CADPS: variants seen among roughly 807,000 people sequenced by gnomAD.
CADPS encodes the protein calcium-dependent secretion activator 1.
In CADPS, 57 loss-of-function variants were observed where a neutral mutation model predicts 167.3. That is an observed-to-expected ratio of 0.34 (90% CI 0.28 to 0.42). The LOEUF is 0.42. Among genes scored for constraint, CADPS ranks in the 20% least tolerant of loss-of-function variants. The pLI, the probability that CADPS is intolerant of heterozygous loss-of-function variation, is 1.00. For missense variants in CADPS, 1,414 were observed against 1,738.1 expected (o/e 0.81, Z 3.32); for synonymous variants, 676 against 635.3 (o/e 1.06, Z -0.96).
chr3:62,753,464 G>A lies in CADPS; in HGVS notation c.865C>T (p.Gln289Ter). Residue 289 changes from glutamine to a stop codon, truncating the protein, a stop_gained, in exon 3 of 30, where the codon CAG becomes TAG. Transcript: ENST00000383710. LOFTEE classifies it high-confidence loss of function. The surrounding 1 kb of genome is among the most constrained non-coding windows in gnomAD (Gnocchi z 4.6). ...NILGIKKFEH[Q>*]LLYNACQLDN... ...ACCTGGCAGGCATTGTAAAGGAGCT[G>A]ATGTTCGAACTTCTTGATCCCAAGA... 1 of 1,612,678 alleles carries A rather than the reference G, an allele frequency of 6.2e-7. No individual in the cohort carries two copies. The highest frequency in any genetic ancestry group is 8.5e-7 in the Non-Finnish European group (1 of 1,178,902).
chr3:62,659,600 G>A (rs1196896129), intron 4 of CADPS, among the ~76,000 whole-genome samples: 1 of 152,194 alleles, frequency 6.6e-6, no homozygotes, highest in Non-Finnish European at 1.5e-5. Flanking sequence ...TGGAAGAAGT[G>A]CACATTGCTA....
At chr3:62,610,173 TTTTC>T (rs1352942435) in intron 6 of CADPS, among the ~76,000 whole-genome samples, 1 of 151,960 alleles carries the variant, frequency 6.6e-6, no homozygotes, top group Non-Finnish European at 1.5e-5. Flanking sequence ...ATTTGGAGCC[TTTTC>T]TTTTTTTCCT....
chr3:62,512,844 G>T, intron 16 of CADPS, 76 bp from the exon 17 acceptor site: 1 of 1,255,804 alleles, frequency 8.0e-7, no homozygotes, highest in Admixed American at 1.9e-5. Context: ...ATGAGCAAGT[G>T]GACCAAAATG....
In CADPS at chr3:62,399,302, T is replaced by C; in HGVS notation, c.*104A>G. Reference sequence around the variant, plus strand: ...GGCAGTTGTATTGATAAACATCTCATGGGCATGGTAGTTGACAGAAAATTC... The same window carrying C: ...GGCAGTTGTATTGATAAACATCTCACGGGCATGGTAGTTGACAGAAAATTC... On this transcript the variant is annotated 3_prime_UTR_variant, in exon 30 of 30. Transcript: ENST00000383710. This position sits in a 1 kb window ranked among gnomAD's most constrained non-coding sequence, Gnocchi z 5.6. 5.7e-6 allele frequency: 6 copies of C among 1,047,414 alleles called. No individual in the cohort carries two copies. The highest frequency in any genetic ancestry group is 4.3e-5 in the Admixed American group (2 of 46,834). 64.9% of individuals were successfully genotyped at this position (1,047,414 alleles called of 1,614,324 possible). A position where few individuals can be genotyped will look rare whatever the true frequency, so the allele number is the denominator to read the frequency against.
rs114111081 is a variant in CADPS, at chr3:62,484,711, G to A, written c.3027-2842C>T. On this transcript the variant is annotated intron_variant, in intron 21 of 29. Transcript: ENST00000383710. ...TCTCATCATTTCTATGGATAGAAAT[G>A]AGTGGAGGTGAAGTCATTCCTGCTT... Among the ~76,000 whole-genome samples the A allele has an allele frequency of 2.6e-3, 396 of 152,250 alleles. 1 individual carries two copies. Among genetic ancestry groups the A allele is most frequent in the African/African-American group, 8.5e-3 (355 of 41,560 alleles).
intron 3 of CADPS, among the ~76,000 whole-genome samples, chr3:62,662,629 T>A (rs2073525299): frequency 6.6e-6 from 1 of 152,166 alleles, no homozygotes; most frequent in Non-Finnish European, 1.5e-5. Context: ...TGCAAAAGAA[T>A]CATCAATCTC....
intron 1 of CADPS, among the ~76,000 whole-genome samples, chr3:62,794,793 A>AAAAAAAAAAAAAAAAAAAAAAG (rs1553689817): frequency 1.3e-4 from 18 of 136,700 alleles, no homozygotes; most frequent in East Asian, 5.9e-4. Context: ...AAAAAAAAAA[A>AAAAAAAAAAAAAAAAAAAAAAG]AAAAAAAAAA....
chr3:62,850,972 T>C (rs1443697563), intron 1 of CADPS, among the ~76,000 whole-genome samples: 1 of 149,766 alleles, frequency 6.7e-6, no homozygotes, highest in African/African-American at 2.5e-5. Flanking sequence ...ATTGGGTGCA[T>C]ATATATTTAG....
intron 17 of CADPS, among the ~76,000 whole-genome samples, chr3:62,509,788 T>C (rs2067389287): frequency 6.6e-6 from 1 of 152,148 alleles, no homozygotes; most frequent in Non-Finnish European, 1.5e-5. Context: ...GTGGTAGGTA[T>C]TATACTTGAC....
chr3:62,718,170 A>G (rs1222780178), intron 3 of CADPS, among the ~76,000 whole-genome samples: 1 of 152,168 alleles, frequency 6.6e-6, no homozygotes, highest in Admixed American at 6.5e-5. Context: ...CATGTTTATT[A>G]TCTGTGCTTT....
At chr3:62,476,444 A>G (rs2061338337) in intron 23 of CADPS, among the ~76,000 whole-genome samples, 1 of 152,198 alleles carries the variant, frequency 6.6e-6, no homozygotes, top group South Asian at 2.1e-4. Flanking sequence ...TTAAGTGTCC[A>G]GGCCAGCCAT....
chr3:62,668,911 G>C (rs2074997481), intron 3 of CADPS, among the ~76,000 whole-genome samples: 1 of 152,202 alleles, frequency 6.6e-6, no homozygotes, highest in Non-Finnish European at 1.5e-5. Context: ...CGATCAGTGA[G>C]GGCTGGGACC....
chr3:62,518,517 C>A (rs1396401350), intron 13 of CADPS, among the ~76,000 whole-genome samples: 1 of 152,128 alleles, frequency 6.6e-6, no homozygotes, highest in African/African-American at 2.4e-5. Context: ...TAAGTCCAGC[C>A]CCTGAACTTG....
intron 28 of CADPS, among the ~76,000 whole-genome samples, chr3:62,424,879 A>C (rs1452232913): frequency 6.6e-6 from 1 of 152,232 alleles, no homozygotes; most frequent in Non-Finnish European, 1.5e-5. Context: ...ACAAGATACT[A>C]TCAGGGCTAG....
Position 62,527,022 on chromosome 3 carries a change from C to T in CADPS, c.2291+5849G>A, listed in dbSNP as rs183469817. Among the ~76,000 whole-genome samples the T allele has an allele frequency of 2.6e-4, 40 of 152,282 alleles. No homozygotes were observed. The East Asian group carries it at 7.7e-3, about 29-fold the overall frequency. On this transcript the variant is annotated intron_variant, in intron 13 of 29. Coordinates refer to ENST00000383710, the MANE Select transcript of CADPS (RefSeq NM_003716.4). ...TTGAGAGGGGTGCTTAGTAAAAGTGCAGATTCCCAGCTCCATTTAAGACTT... is the reference window on the plus strand; with the variant it reads ...TTGAGAGGGGTGCTTAGTAAAAGTGTAGATTCCCAGCTCCATTTAAGACTT...
At position 62,601,366 on chromosome 3, in the gene CADPS, G is replaced by A. The variant is rs1419568199; in HGVS notation, c.1326-8618C>T. 1.3e-5 allele frequency among the ~76,000 whole-genome samples: 2 copies of A among 152,168 alleles called. No homozygotes were observed. Among genetic ancestry groups the A allele is most frequent in the African/African-American group, 2.4e-5 (1 of 41,442 alleles). ...ACAGAGAATATAGGGCCAACAAACC[G>A]AAAATTTTTACTTTCTGGTCCTTTA... On this transcript the variant is annotated intron_variant, in intron 6 of 29. Coordinates refer to ENST00000383710, the MANE Select transcript of CADPS (RefSeq NM_003716.4). This position sits in a 1 kb window ranked among gnomAD's most constrained non-coding sequence, Gnocchi z 4.3.
rs528964110 is a variant in CADPS at position 62,562,428 on chromosome 3, G to T, written c.1645-4915C>A. ...AAGGCAGTTCAGTTAACTTTTCTGG[G>T]ACATGGTTTTGTGATCTTTAAATGG... On this transcript the variant is annotated intron_variant, in intron 9 of 29. Coordinates refer to ENST00000383710, the MANE Select transcript of CADPS (RefSeq NM_003716.4). 2.0e-5 allele frequency among the ~76,000 whole-genome samples: 3 copies of T among 152,232 alleles called. No individual in the cohort carries two copies. In the South Asian group the frequency reaches 6.2e-4, roughly 32 times the overall value.
At chr3:62,524,041 T>C (rs1428105379) in intron 13 of CADPS, among the ~76,000 whole-genome samples, 1 of 152,196 alleles carries the variant, frequency 6.6e-6, no homozygotes, top group Non-Finnish European at 1.5e-5. Flanking sequence ...GCTCCCTAAA[T>C]AGGACATTTA....
intron 1 of CADPS, among the ~76,000 whole-genome samples, chr3:62,806,975 C>A (rs114018632): frequency 0.18 from 27,773 of 151,978 alleles, 2,827 homozygotes; most frequent in Middle Eastern, 0.32. Flanking sequence ...AAAGAGATCG[C>A]TTTTTAAAAT....
Sources: allele counts gnomAD v4.1 joint callset (sites outside exome capture counted in the v4.1 genomes callset), GRCh38; gene constraint gnomAD v4.1.1; non-coding constraint Gnocchi (gnomAD v3.1); transcripts MANE v1.5; gene names NCBI Gene and HGNC (gene_info 2026-07-23, HGNC 2026-07-21).